Variants in ESR1 observed in about 807,000 individuals in gnomAD.
ESR1 encodes estrogen receptor 1.
ESR1 carries 12 observed loss-of-function variants against 52.7 expected under a neutral mutation model. The observed-to-expected ratio is 0.23, with a 90% CI of 0.15 to 0.37. The LOEUF is 0.37. Ranked by LOEUF, ESR1 falls within the 10% of genes least tolerant of loss-of-function variation. The pLI, the probability that ESR1 is intolerant of heterozygous loss-of-function variation, is 1.00. For missense variants in ESR1, 584 were observed against 779.7 expected (o/e 0.75, Z 2.99); for synonymous variants, 305 against 316.8 (o/e 0.96, Z 0.39).
intron 2 of ESR1, among the ~76,000 whole-genome samples, chr6:151,708,241 T>G (rs2127994679): frequency 6.6e-6 from 1 of 152,312 alleles, no homozygotes; most frequent in East Asian, 1.9e-4. Context: ...AAGATTCTGA[T>G]AAATCTTATA....
intron 4 of ESR1, among the ~76,000 whole-genome samples, chr6:151,964,004 C>T (rs1259918364): frequency 6.6e-6 from 1 of 152,082 alleles, no homozygotes; most frequent in Non-Finnish European, 1.5e-5. Flanking sequence ...ATTTCTGGGC[C>T]TTCTAATCTG....
intron 6 of ESR1, among the ~76,000 whole-genome samples, chr6:152,087,984 A>T (rs953717506): frequency 5.3e-5 from 8 of 152,202 alleles, no homozygotes; most frequent in African/African-American, 9.7e-5. Context: ...CCTTAAGAGA[A>T]AAAATCTCCT....
intron 3 of ESR1, among the ~76,000 whole-genome samples, chr6:151,889,737 T>C (rs1370229391): frequency 6.6e-6 from 1 of 152,194 alleles, no homozygotes; most frequent in African/African-American, 2.4e-5. Flanking sequence ...TTATTTGTGG[T>C]ATAACATTAG....
intron 6 of ESR1, chr6:152,122,747 A>G: frequency 6.2e-7 from 1 of 1,604,832 alleles, no homozygotes; most frequent in Non-Finnish European, 8.5e-7. Context: ...TTGCCTCTGC[A>G]CCTTCCTGGA....
intron 6 of ESR1, among the ~76,000 whole-genome samples, chr6:152,087,503 T>A (rs1466741939): frequency 3.9e-5 from 6 of 152,190 alleles, no homozygotes; most frequent in African/African-American, 1.2e-4. Flanking sequence ...TACTTAACAA[T>A]GCTGGGTCCA....
At chr6:152,058,851 G>A (rs1028336321) in intron 5 of ESR1, among the ~76,000 whole-genome samples, 4 of 152,116 alleles carry the variant, frequency 2.6e-5, no homozygotes, top group African/African-American at 9.7e-5. Context: ...TCTTGTTGGA[G>A]TTCTTTCTTT....
intron 1 of ESR1, among the ~76,000 whole-genome samples, chr6:151,810,086 G>A (rs1271363033): frequency 1.3e-5 from 2 of 151,960 alleles, no homozygotes; most frequent in African/African-American, 4.8e-5. Context: ...ACTGCTCCTT[G>A]GTAGATTATT....
intron 1 of ESR1, among the ~76,000 whole-genome samples, chr6:151,818,609 C>G (rs1253316008): frequency 6.6e-6 from 1 of 152,098 alleles, no homozygotes; most frequent in Non-Finnish European, 1.5e-5. Flanking sequence ...TGGTCATTTT[C>G]TAGGACATCT....
intron 5 of ESR1, among the ~76,000 whole-genome samples, chr6:152,040,070 T>A (rs1486144454): frequency 1.3e-5 from 2 of 152,206 alleles, no homozygotes; most frequent in African/African-American, 4.8e-5. Flanking sequence ...CTGTTCTTTC[T>A]GTGATGGAAG....
chr6:151,950,390 AATAG>A (rs560302879), intron 4 of ESR1, among the ~76,000 whole-genome samples: 41 of 152,220 alleles, frequency 2.7e-4, no homozygotes, highest in Non-Finnish European at 4.6e-4. Context: ...TGTTTTAAGT[AATAG>A]ATAGATTATG....
chr6:152,065,064 G>A (rs1562744850), intron 6 of ESR1, among the ~76,000 whole-genome samples: 1 of 152,300 alleles, frequency 6.6e-6, no homozygotes, highest in East Asian at 1.9e-4. Flanking sequence ...CTTAAACGGA[G>A]TAGGTTCATG....
chr6:151,686,064 ATT>A (rs557270210), upstream of ESR1, among the ~76,000 whole-genome samples: 2,078 of 114,300 alleles, frequency 0.018, 12 homozygotes, highest in East Asian at 0.037. Context: ...AATTAAAACA[ATT>A]TTTTTTTTTT....
intron 2 of ESR1, among the ~76,000 whole-genome samples, chr6:151,871,057 C>T (rs1417496655): frequency 6.6e-6 from 1 of 151,840 alleles, no homozygotes; most frequent in Non-Finnish European, 1.5e-5. Flanking sequence ...TGCTATGTTG[C>T]CCAGGCTGGT....
Position 151,794,031 on chromosome 6 carries a change from G to A in ESR1, c.-70-13812G>A, listed in dbSNP as rs61517381. 3.0e-3 allele frequency among the ~76,000 whole-genome samples: 452 copies of A among 152,272 alleles called. 6 individuals carry two copies. The highest frequency in any genetic ancestry group is 0.028 in the East Asian group (147 of 5,188). On this transcript the variant is annotated intron_variant, in intron 2 of 2. Transcript: ENST00000404742. Reference sequence around the variant, plus strand: ...CTCTTCACTGTGTTCTAAAAAAATCGTGATCGAGTGTAACAAAATGGGGAA... The same window carrying A: ...CTCTTCACTGTGTTCTAAAAAAATCATGATCGAGTGTAACAAAATGGGGAA...
At chr6:151,685,840 G>A (rs1350929858), upstream of ESR1, among the ~76,000 whole-genome samples, 1 of 152,096 alleles carries the variant, frequency 6.6e-6, no homozygotes, top group African/African-American at 2.4e-5. Context: ...TGTATATAAA[G>A]AGGAGGCACA....
In ESR1 at chr6:152,099,023, T is replaced by C. The variant is rs930707357; in HGVS notation, c.*57T>C. On this transcript the variant is annotated 3_prime_UTR_variant, in exon 8 of 8. Transcript: ENST00000206249. ...TCCCTGCTGCATTTTACCCTCATCA[T>C]GCACCACTTTAGCCAAATTCTGTCT... 42 of 1,461,392 alleles carry C rather than the reference T, an allele frequency of 2.9e-5. No homozygotes were observed. Among genetic ancestry groups the C allele is most frequent in the African/African-American group, 9.7e-5 (7 of 72,096 alleles). The allele number at this position is 1,461,392 out of a possible 1,614,324, so 90.5% of individuals were successfully genotyped here.
intron 5 of ESR1, among the ~76,000 whole-genome samples, chr6:152,050,091 T>G (rs2128924128): frequency 6.6e-6 from 1 of 152,306 alleles, no homozygotes; most frequent in Non-Finnish European, 1.5e-5. Flanking sequence ...GTTTCAAATT[T>G]TAAAAAGACA....
chr6:151,756,913 C>T (rs1784332832), intron 2 of ESR1, among the ~76,000 whole-genome samples: 1 of 152,130 alleles, frequency 6.6e-6, no homozygotes, highest in African/African-American at 2.4e-5. Flanking sequence ...TCGCTTGAAC[C>T]CTGGAGGCGA....
intron 1 of ESR1, among the ~76,000 whole-genome samples, chr6:151,694,439 G>A (rs1458971083): frequency 6.6e-6 from 1 of 152,096 alleles, no homozygotes. Context: ...CTCTTCATGA[G>A]GATTAAATAA....
Sources: allele counts gnomAD v4.1 joint callset (sites outside exome capture counted in the v4.1 genomes callset), GRCh38; gene constraint gnomAD v4.1.1; transcripts MANE v1.5; gene names NCBI Gene and HGNC (gene_info 2026-07-23, HGNC 2026-07-21).